Variants in WAPL observed in about 807,000 individuals in gnomAD.
WAPL encodes the protein WAPL cohesin release factor, also known as wings apart-like protein homolog.
A neutral mutation model predicts 121.0 loss-of-function variants in WAPL; 5 were observed. That is an observed-to-expected ratio of 0.04 (90% confidence interval 0.02 to 0.09). WAPL has a LOEUF of 0.09. WAPL is among the 10% of genes least tolerant of loss of function. The pLI, the probability that WAPL is intolerant of heterozygous loss-of-function variation, is 1.00. For synonymous variants in WAPL, 480 were observed against 481.5 expected (o/e 1.00, Z 0.04); for missense variants, 999 against 1,410.8 (o/e 0.71, Z 4.68).
intron 14 of WAPL, among the ~76,000 whole-genome samples, 191 bp from the exon 15 acceptor site, chr10:86,452,322 G>A (rs1841002885): frequency 6.6e-6 from 1 of 151,778 alleles, no homozygotes; most frequent in Admixed American, 6.6e-5. Context: ...GCCAGGCACA[G>A]CGCTCATGCC....
chr10:86,472,824 C>A lies in WAPL; in HGVS notation c.1741-60G>T. The A allele has an allele frequency of 1.4e-6, 2 of 1,458,232 alleles. No individual in the cohort carries two copies. The highest frequency in any genetic ancestry group is 2.8e-5 in the South Asian group (2 of 70,854). 90.3% of individuals were successfully genotyped at this position (1,458,232 alleles called of 1,614,324 possible). ...TAAATATATAAAAATAGGAACGTCTCATCTATCTGGCAAATTCAGCTTCAA... is the reference window on the plus strand; with the variant it reads ...TAAATATATAAAAATAGGAACGTCTAATCTATCTGGCAAATTCAGCTTCAA... On this transcript the variant is annotated intron_variant, in intron 5 of 18. Transcript: ENST00000298767. This position sits in a 1 kb window ranked among gnomAD's most constrained non-coding sequence, Gnocchi z 4.2.
intron 1 of WAPL, among the ~76,000 whole-genome samples, chr10:86,521,029 G>A (rs1486838787): frequency 6.6e-6 from 1 of 152,002 alleles, no homozygotes; most frequent in Non-Finnish European, 1.5e-5. Context: ...GGTCACTTTC[G>A]ACGCCCCGGA....
intron 3 of WAPL, among the ~76,000 whole-genome samples, chr10:86,497,558 AG>A (rs1842171817): frequency 6.6e-6 from 1 of 152,204 alleles, no homozygotes; most frequent in Non-Finnish European, 1.5e-5. Flanking sequence ...TATGTGTTCT[AG>A]TCTTATTTTA....
At chr10:86,446,636 ATGC>A (rs1849628337) in intron 15 of WAPL, among the ~76,000 whole-genome samples, 187 bp from the exon 16 acceptor site, 1 of 152,230 alleles carries the variant, frequency 6.6e-6, no homozygotes, top group African/African-American at 2.4e-5. Context: ...GAAAGTATAA[ATGC>A]TGCTAAGATT....
Position 86,517,719 on chromosome 10 carries a change from G to A in WAPL, c.351C>T (p.Ser117=), listed in dbSNP as rs1221232462. 1 of 1,614,082 alleles carries A rather than the reference G, an allele frequency of 6.2e-7. No homozygotes were observed. The highest frequency in any genetic ancestry group is 2.2e-5 in the East Asian group (1 of 44,866). ...EEVTSVLEAN[S]KISHVVVEDT... ...CTTCAACGACCACATGACTAATTTT[G>A]CTATTAGCTTCAAGTACTGAAGTGA... Residue 117 remains serine, a synonymous_variant, in exon 2 of 19, where the codon AGC becomes AGT. Transcript: ENST00000298767.
At chr10:86,486,202 T>C (rs1841928373) in intron 4 of WAPL, among the ~76,000 whole-genome samples, 1 of 152,192 alleles carries the variant, frequency 6.6e-6, no homozygotes. Context: ...CCCATACATA[T>C]AACAAAGGTA....
At chr10:86,481,555 T>C (rs1841787401) in intron 4 of WAPL, among the ~76,000 whole-genome samples, 1 of 152,082 alleles carries the variant, frequency 6.6e-6, no homozygotes, top group Admixed American at 6.6e-5. Context: ...GTATTTTTAG[T>C]AGAGACGGGG....
At chr10:86,482,499 G>A (rs1368478243) in intron 4 of WAPL, among the ~76,000 whole-genome samples, 1 of 152,160 alleles carries the variant, frequency 6.6e-6, no homozygotes, top group Non-Finnish European at 1.5e-5. Context: ...CATTATCATA[G>A]TCTCTAATAC....
chr10:86,501,743 A>T (rs1332530132), intron 2 of WAPL, among the ~76,000 whole-genome samples: 1 of 152,186 alleles, frequency 6.6e-6, no homozygotes, highest in East Asian at 1.9e-4. Context: ...TGGTGTGATC[A>T]CAGCTCACTG....
In WAPL at chr10:86,458,769, A is replaced by G. The variant is rs148894619; in HGVS notation, c.2657+220T>C. ...TAAAGAGCTTGATTTGTACATTACAAAAGTTATACAGCTGAAATTATCAAG... is the reference window on the plus strand; with the variant it reads ...TAAAGAGCTTGATTTGTACATTACAGAAGTTATACAGCTGAAATTATCAAG... On this transcript the variant is annotated intron_variant, in intron 12 of 18. Transcript: ENST00000298767. Among the ~76,000 whole-genome samples, 83 of 152,286 alleles carry G rather than the reference A, an allele frequency of 5.5e-4. 1 individual carries two copies. In the East Asian group the frequency reaches 0.015, roughly 28 times the overall value.
chr10:86,449,405 A>T (rs923310166), intron 15 of WAPL, among the ~76,000 whole-genome samples: 8 of 152,238 alleles, frequency 5.3e-5, no homozygotes, highest in African/African-American at 1.9e-4. Flanking sequence ...CAATTGAAAA[A>T]CAAAAACTTT....
chr10:86,438,253 CTTT>C (rs11402864), intron 17 of WAPL, among the ~76,000 whole-genome samples: 2 of 138,542 alleles, frequency 1.4e-5, no homozygotes, highest in Non-Finnish European at 1.5e-5. Flanking sequence ...TACACATTTA[CTTT>C]TTTTTTTTTT....
intron 16 of WAPL, chr10:86,443,696 T>C (rs948986854): frequency 2.3e-5 from 5 of 214,576 alleles, no homozygotes; most frequent in Non-Finnish European, 4.6e-5. Flanking sequence ...AAAAACATTC[T>C]TACAACTCAA....
rs1204341650 is a variant in WAPL, at chr10:86,472,960, A to G, written c.1741-196T>C. 6.6e-6 allele frequency among the ~76,000 whole-genome samples: 1 copy of G among 152,220 alleles called. No homozygotes were observed. Among genetic ancestry groups the G allele is most frequent in the East Asian group, 1.9e-4 (1 of 5,206 alleles). On this transcript the variant is annotated intron_variant, in intron 5 of 18. Coordinates refer to ENST00000298767, the MANE Select transcript of WAPL (RefSeq NM_015045.5). The surrounding 1 kb of genome is among the most constrained non-coding windows in gnomAD (Gnocchi z 4.2). Reference sequence around the variant, plus strand: ...ACAGGTAAGACATATGTATATCTGCACACAGAAGAACCACTCAAGGATTTC... The same window carrying G: ...ACAGGTAAGACATATGTATATCTGCGCACAGAAGAACCACTCAAGGATTTC...
chr10:86,486,083 CT>C (rs1218619776), intron 4 of WAPL, among the ~76,000 whole-genome samples: 1 of 152,154 alleles, frequency 6.6e-6, no homozygotes, highest in Non-Finnish European at 1.5e-5. Flanking sequence ...TACAGTCATT[CT>C]TTTTTTCAGG....
chr10:86,495,947 T>G (rs1842141884), intron 4 of WAPL, among the ~76,000 whole-genome samples: 1 of 152,044 alleles, frequency 6.6e-6, no homozygotes, highest in South Asian at 2.1e-4. Context: ...AAACCCCATC[T>G]CTACTAAAAA....
At chr10:86,452,153 C>T (rs1230528936) in intron 14 of WAPL, 22 bp from the exon 15 acceptor site, 1 of 1,608,220 alleles carries the variant, frequency 6.2e-7, no homozygotes, top group African/African-American at 1.3e-5. Flanking sequence ...TTAAAAGACA[C>T]ATATTATCAG....
intron 3 of WAPL, among the ~76,000 whole-genome samples, chr10:86,498,822 T>G (rs1168099043): frequency 6.6e-6 from 1 of 152,186 alleles, no homozygotes; most frequent in Non-Finnish European, 1.5e-5. Flanking sequence ...TGAGGACCCT[T>G]AGTCACTACT....
At chr10:86,477,910 T>G (rs1841696033) in intron 4 of WAPL, among the ~76,000 whole-genome samples, 1 of 151,176 alleles carries the variant, frequency 6.6e-6, no homozygotes, top group Non-Finnish European at 1.5e-5. Context: ...TGAAACCCCG[T>G]CTCGCATGGT....
Sources: allele counts gnomAD v4.1 joint callset (sites outside exome capture counted in the v4.1 genomes callset), GRCh38; gene constraint gnomAD v4.1.1; non-coding constraint Gnocchi (gnomAD v3.1); transcripts MANE v1.5; gene names NCBI Gene and HGNC (gene_info 2026-07-23, HGNC 2026-07-21).